Variants in IRAG2 observed in about 807,000 individuals in gnomAD.
IRAG2 encodes the protein inositol 1,4,5-triphosphate receptor associated 2.
A neutral mutation model predicts 69.9 loss-of-function variants in IRAG2; 45 were observed. The observed-to-expected ratio is 0.64, with a 90% CI of 0.51 to 0.83. The LOEUF (loss-of-function observed/expected upper bound fraction) is 0.83. Ranked by LOEUF, IRAG2 falls within the 40% of genes least tolerant of loss-of-function variation. The pLI is 0.00. For missense variants in IRAG2, 520 were observed against 587.0 expected (o/e 0.89, Z 1.18); for synonymous variants, 193 against 202.4 (o/e 0.95, Z 0.40).
At chr12:25,077,211 TATATATGAAATATATATG>T (rs1946764450) in intron 6 of IRAG2, among the ~76,000 whole-genome samples, 1 of 82,664 alleles carries the variant, frequency 1.2e-5, no homozygotes, top group African/African-American at 4.2e-5. Context: ...ATATATATGA[TATATATGAAATATATATG>T]ATATATATAT....
chr12:25,104,830 G>A (rs546565718), intron 20 of IRAG2, among the ~76,000 whole-genome samples: 1 of 151,840 alleles, frequency 6.6e-6, no homozygotes, highest in Non-Finnish European at 1.5e-5. Flanking sequence ...GATATATAAC[G>A]TACGTATTAT....
chr12:25,067,106 A>G (rs944826713), intron 5 of IRAG2, among the ~76,000 whole-genome samples: 5 of 152,182 alleles, frequency 3.3e-5, no homozygotes, highest in African/African-American at 7.2e-5. Flanking sequence ...GTAGACTGCT[A>G]AGTTAACATA....
chr12:25,072,641 G>C (rs1464793026), intron 6 of IRAG2, among the ~76,000 whole-genome samples: 1 of 152,186 alleles, frequency 6.6e-6, no homozygotes, highest in African/African-American at 2.4e-5. Flanking sequence ...TATCATCCCA[G>C]TGGACACCCC....
At chr12:25,021,088 TTTC>T in intron 7 of IRAG2, 1 of 291,020 alleles carries the variant, frequency 3.4e-6, no homozygotes, top group Non-Finnish European at 6.0e-6. Context: ...CTTTCTTTCT[TTTC>T]TTTTTTTTTT....
chr12:25,076,444 A>C, intron 6 of IRAG2: 1 of 982,692 alleles, frequency 1.0e-6, no homozygotes, highest in Non-Finnish European at 1.2e-6. Context: ...ACTGATATGT[A>C]ACATAATGGA....
At chr12:25,104,501 C>A in intron 20 of IRAG2, 39 bp downstream of exon 20, 1 of 1,107,834 alleles carries the variant, frequency 9.0e-7, no homozygotes, top group Non-Finnish European at 1.4e-6. Flanking sequence ...CTGACATGAA[C>A]TGGGGCATAA....
intron 11 of IRAG2, 131 bp downstream of exon 11, chr12:25,088,288 C>T: frequency 1.4e-6 from 1 of 716,640 alleles, no homozygotes; most frequent in Admixed American, 2.5e-5. Context: ...GTCAATAGGA[C>T]CGATTATTGA....
intron 10 of IRAG2, 50 bp downstream of exon 10, chr12:25,083,543 T>C: frequency 1.8e-6 from 2 of 1,089,804 alleles, no homozygotes; most frequent in South Asian, 2.6e-5. Context: ...CTTACAATGG[T>C]AGAACTATCC....
intron 3 of IRAG2, among the ~76,000 whole-genome samples, chr12:25,012,215 T>C (rs1329740908): frequency 1.4e-5 from 2 of 143,816 alleles, no homozygotes; most frequent in Non-Finnish European, 3.0e-5. Context: ...AATACAGTGA[T>C]GCAATCTCTG....
chr12:25,100,342 TAAA>T, intron 15 of IRAG2, among the ~76,000 whole-genome samples: 1 of 152,234 alleles, frequency 6.6e-6, no homozygotes, highest in African/African-American at 2.4e-5. Flanking sequence ...GGTGGATCCT[TAAA>T]AGTTAAACAT....
chr12:25,074,891 T>A lies in IRAG2; in HGVS notation c.25-4353T>A, dbSNP rs190008927. Among the ~76,000 whole-genome samples, 462 of 152,356 alleles carry A rather than the reference T, an allele frequency of 3.0e-3. 1 individual carries two copies. The highest frequency in any genetic ancestry group is 6.5e-3 in the Admixed American group (100 of 15,302). On this transcript the variant is annotated intron_variant, in intron 6 of 21. Transcript: ENST00000556887. ...ATTAAGGCCAAGAACAGGATCAATT[T>A]AAAAATATCTCAGAAGATTTTCTGG...
At chr12:25,008,530 G>A (rs1180830091) in intron 2 of IRAG2, among the ~76,000 whole-genome samples, 1 of 152,178 alleles carries the variant, frequency 6.6e-6, no homozygotes, top group East Asian at 1.9e-4. Context: ...CTTGAAGCCA[G>A]GAATTTGAGA....
upstream of IRAG2, among the ~76,000 whole-genome samples, chr12:25,003,919 A>G (rs989121265): frequency 6.6e-6 from 1 of 152,188 alleles, no homozygotes; most frequent in African/African-American, 2.4e-5. Context: ...ATAAAAAGCA[A>G]TGTGGTTATC....
At chr12:25,046,680 A>G (rs545096156) in intron 16 of IRAG2, among the ~76,000 whole-genome samples, 1 of 152,310 alleles carries the variant, frequency 6.6e-6, no homozygotes, top group South Asian at 2.1e-4. Flanking sequence ...ATTAAAGAAG[A>G]CACAAATAAA....
At chr12:25,010,775 CT>C (rs1302721537) in intron 2 of IRAG2, among the ~76,000 whole-genome samples, 2 of 151,936 alleles carry the variant, frequency 1.3e-5, no homozygotes, top group African/African-American at 4.8e-5. Context: ...CAAGGCAGGC[CT>C]TTGATGGGAG....
chr12:25,016,740 T>G (rs1457162077), intron 5 of IRAG2, among the ~76,000 whole-genome samples: 1 of 149,876 alleles, frequency 6.7e-6, no homozygotes, highest in Non-Finnish European at 1.5e-5. Context: ...AGAGCAAGAC[T>G]CTGTCTCAAA....
exon 4 of IRAG2, chr12:25,015,222 T>C (rs1591924930): frequency 3.3e-6 from 4 of 1,229,542 alleles, no homozygotes; most frequent in Middle Eastern, 3.1e-4. Context: ...CATCGATGAT[T>C]CTGTTTGTGA....
intron 4 of IRAG2, among the ~76,000 whole-genome samples, chr12:25,064,236 C>G (rs1591980154): frequency 6.6e-6 from 1 of 152,104 alleles, no homozygotes; most frequent in East Asian, 1.9e-4. Context: ...TAGAGTTGAA[C>G]TGGCCTTGAA....
intron 13 of IRAG2, chr12:25,035,358 A>C: frequency 4.9e-6 from 1 of 202,290 alleles, no homozygotes; most frequent in Non-Finnish European, 9.8e-6. Flanking sequence ...CCCCCTGGGT[A>C]TTTCTTTACC....
Sources: allele counts gnomAD v4.1 joint callset (sites outside exome capture counted in the v4.1 genomes callset), GRCh38; gene constraint gnomAD v4.1.1; transcripts MANE v1.5; gene names NCBI Gene and HGNC (gene_info 2026-07-23, HGNC 2026-07-21).